Variants in DNM3 observed in about 807,000 individuals in gnomAD.
DNM3 encodes dynamin 3.
DNM3 carries 47 observed loss-of-function variants against 101.6 expected under a neutral mutation model. The observed-to-expected ratio is 0.46, with a 90% CI of 0.37 to 0.59. DNM3 has a LOEUF of 0.59. DNM3 is among the 20% of genes least tolerant of loss of function. The probability of loss-of-function intolerance (pLI) is 0.00; values close to 1 mark genes in which losing one functional copy is unlikely to be tolerated. For synonymous variants in DNM3, 385 were observed against 387.9 expected (o/e 0.99, Z 0.09); for missense variants, 849 against 1,085.7 (o/e 0.78, Z 3.06).
intron 14 of DNM3, among the ~76,000 whole-genome samples, chr1:172,210,314 CTTTTTTTTT>C (rs11330467): frequency 2.4e-5 from 2 of 84,862 alleles, no homozygotes; most frequent in African/African-American, 3.8e-5. Context: ...AGAGAGCGTG[CTTTTTTTTT>C]TTTTTTTTTT....
intron 4 of DNM3, among the ~76,000 whole-genome samples, chr1:172,011,837 C>A (rs1455934894): frequency 1.3e-5 from 2 of 151,982 alleles, no homozygotes; most frequent in Admixed American, 6.6e-5. Context: ...TGATAAATTT[C>A]TCATGTGAAC....
chr1:172,388,484 T>C (rs909462321), intron 19 of DNM3, 89 bp from the exon 20 acceptor site: 1 of 1,158,284 alleles, frequency 8.6e-7, no homozygotes, highest in Non-Finnish European at 1.2e-6. Flanking sequence ...AAAATAATTT[T>C]TAAAAAGCAG....
chr1:172,270,897 A>G (rs910731812), intron 15 of DNM3, among the ~76,000 whole-genome samples: 3 of 152,204 alleles, frequency 2.0e-5, no homozygotes, highest in African/African-American at 7.2e-5. Flanking sequence ...TATTCAAACA[A>G]GTAACTGCCT....
At chr1:171,878,575 G>A (rs1376897274) in intron 1 of DNM3, among the ~76,000 whole-genome samples, 2 of 152,110 alleles carry the variant, frequency 1.3e-5, no homozygotes, top group African/African-American at 4.8e-5. Flanking sequence ...CAGAGAGAAA[G>A]CAAGCCCTAA....
intron 15 of DNM3, among the ~76,000 whole-genome samples, chr1:172,301,457 G>C (rs1045639656): frequency 6.6e-6 from 1 of 152,164 alleles, no homozygotes; most frequent in Admixed American, 6.5e-5. Flanking sequence ...AGCTATGACT[G>C]TGCCACTGCA....
intron 14 of DNM3, among the ~76,000 whole-genome samples, chr1:172,179,799 C>A (rs2059280562): frequency 6.6e-6 from 1 of 151,862 alleles, no homozygotes; most frequent in African/African-American, 2.4e-5. Context: ...TTTTAATCTT[C>A]ACAATAGCTT....
Position 171,989,045 on chromosome 1 carries a change from G to A in DNM3, c.486G>A (p.Gln162=), listed in dbSNP as rs1330553603. 6.2e-7 allele frequency: 1 copy of A among 1,612,454 alleles called. No individual in the cohort carries two copies. The highest frequency in any genetic ancestry group is 1.6e-4 in the Middle Eastern group (1 of 6,062). ...ATCAGATCAGAGAAATGATTATGCA[G>A]TTCATCACGAGGGAGAACTGTCTGA... The part of the protein sequence containing the change: ...IEYQIREMIM[Q]FITRENCLIL... Residue 162 remains glutamine, a synonymous_variant, in exon 4 of 21, where the codon CAG becomes CAA. Coordinates refer to ENST00000627582, the MANE Select transcript of DNM3 (RefSeq NM_015569.5).
chr1:172,196,184 G>A (rs1344995449), intron 14 of DNM3, among the ~76,000 whole-genome samples: 4 of 151,656 alleles, frequency 2.6e-5, no homozygotes, highest in Admixed American at 2.6e-4. Flanking sequence ...GCATTAGTTT[G>A]CTAAGGATGA....
intron 2 of DNM3, among the ~76,000 whole-genome samples, chr1:171,961,379 G>A (rs1399746516): frequency 2.0e-5 from 3 of 152,092 alleles, no homozygotes; most frequent in East Asian, 3.8e-4. Context: ...GACAAGGTAT[G>A]GCCATTGTCA....
At chr1:172,091,341 C>T (rs1469652992) in intron 12 of DNM3, among the ~76,000 whole-genome samples, 4 of 152,082 alleles carry the variant, frequency 2.6e-5, no homozygotes, top group East Asian at 1.9e-4. Context: ...TGTAGTGTAT[C>T]GGAAGGTGAG....
intron 9 of DNM3, among the ~76,000 whole-genome samples, chr1:172,045,614 G>T (rs1267187575): frequency 1.3e-5 from 2 of 152,102 alleles, no homozygotes; most frequent in African/African-American, 2.4e-5. Flanking sequence ...TTTCTTTAAA[G>T]AACTATGATA....
chr1:171,891,357 A>AAC (rs2037265736), intron 1 of DNM3, among the ~76,000 whole-genome samples: 2 of 151,792 alleles, frequency 1.3e-5, no homozygotes. Flanking sequence ...TAAAAAAAAA[A>AAC]AACAGAAAAA....
rs1284227256 is a variant in DNM3 at position 172,226,162 on chromosome 1, G to C, written c.1660-27411G>C. 2.6e-5 allele frequency among the ~76,000 whole-genome samples: 4 copies of C among 152,066 alleles called. No individual in the cohort carries two copies. The East Asian group carries it at 7.7e-4, about 29-fold the overall frequency. On this transcript the variant is annotated intron_variant, in intron 14 of 20. Coordinates refer to ENST00000627582, the MANE Select transcript of DNM3 (RefSeq NM_015569.5). ...TAGAAAAGAAAATGCTGGGTCAACAGATATCTTCATTTTAAATTAAAATAT... is the reference window on the plus strand; with the variant it reads ...TAGAAAAGAAAATGCTGGGTCAACACATATCTTCATTTTAAATTAAAATAT...
intron 14 of DNM3, among the ~76,000 whole-genome samples, chr1:172,167,878 C>G (rs985353865): frequency 1.5e-4 from 23 of 152,034 alleles, no homozygotes; most frequent in Non-Finnish European, 2.8e-4. Flanking sequence ...AGAGAGACTT[C>G]GAGTTGTTAA....
At chr1:172,200,941 G>A (rs2060130784) in intron 14 of DNM3, among the ~76,000 whole-genome samples, 1 of 152,040 alleles carries the variant, frequency 6.6e-6, no homozygotes, top group Non-Finnish European at 1.5e-5. Flanking sequence ...ATGGCACTCT[G>A]GCCATTTTAG....
chr1:172,338,810 A>T (rs1269198286), intron 17 of DNM3: 1 of 486,004 alleles, frequency 2.1e-6, no homozygotes, highest in Non-Finnish European at 4.1e-6. Flanking sequence ...AGTTTTTCAG[A>T]TGAACCTAAG....
intron 17 of DNM3, among the ~76,000 whole-genome samples, 180 bp downstream of exon 17, chr1:172,323,520 C>G (rs2065817383): frequency 1.3e-5 from 2 of 152,150 alleles, no homozygotes; most frequent in Middle Eastern, 3.4e-3. Context: ...AATGGCTGTT[C>G]CGTTTTGACT....
chr1:172,274,168 C>A (rs1183615121), intron 15 of DNM3, among the ~76,000 whole-genome samples: 1 of 152,008 alleles, frequency 6.6e-6, no homozygotes, highest in Non-Finnish European at 1.5e-5. Context: ...GTCACTCAGT[C>A]CCCTCCTACT....
At chr1:172,175,423 T>C (rs1025024127) in intron 14 of DNM3, among the ~76,000 whole-genome samples, 1 of 151,808 alleles carries the variant, frequency 6.6e-6, no homozygotes, top group Admixed American at 6.6e-5. Flanking sequence ...ATTGAATACT[T>C]ACTATAGTTG....
Sources: allele counts gnomAD v4.1 joint callset (sites outside exome capture counted in the v4.1 genomes callset), GRCh38; gene constraint gnomAD v4.1.1; transcripts MANE v1.5; gene names NCBI Gene and HGNC (gene_info 2026-07-23, HGNC 2026-07-21).